ERCC6L: variants seen among roughly 807,000 people sequenced by gnomAD.
ERCC6L encodes the protein DNA excision repair protein ERCC-6-like.
A neutral mutation model predicts 20.1 loss-of-function variants in ERCC6L; 7 were observed. The ratio of observed to expected loss-of-function variants is 0.35; its 90% CI spans 0.20 to 0.65. ERCC6L has a LOEUF of 0.65. Ranked by LOEUF, ERCC6L falls within the 30% of genes least tolerant of loss-of-function variation. ERCC6L has a pLI of 0.69. For missense variants in ERCC6L, 592 were observed against 892.4 expected (o/e 0.66, Z 4.29); for synonymous variants, 278 against 331.3 (o/e 0.84, Z 1.75).
rs140936418 is a variant in ERCC6L, at chrX:72,206,166, A to G, written c.2601T>C (p.Tyr867=). ...CAGCTTTGGTTGATTTGCTAAGTAC[A>G]TAATTAAAACTTTCCAGAGGATCCT... ...LQEDPLESFN[Y]VLSKSTKADI... is the part of the protein sequence containing the mutation. Residue 867 remains tyrosine (Y), a synonymous_variant, in exon 2 of 2, where the codon TAT becomes TAC. Coordinates refer to ENST00000334463, the MANE Select transcript of ERCC6L (RefSeq NM_017669.4). The G allele has an allele frequency of 1.1e-4, 137 of 1,210,423 alleles. No individual in the cohort carries two copies. The highest frequency in any genetic ancestry group is 1.5e-4 in the Non-Finnish European group (130 of 895,275).
At chrX:72,235,995 G>A (rs2043015240) in intron 1 of ERCC6L, among the ~76,000 whole-genome samples, 1 of 112,331 alleles carries the variant, frequency 8.9e-6, no homozygotes, top group Admixed American at 9.4e-5. Flanking sequence ...TATGTAAGGA[G>A]AGAAGTGAGA....
In ERCC6L at chrX:72,206,312, C is replaced by T; in HGVS notation, c.2455G>A (p.Gly819Arg). The change falls in exon 2 of 2, where the codon GGA becomes AGA. Residue 819 changes from glycine to arginine, a missense_variant. By Grantham distance (125) the Gly-to-Arg change is moderately radical. Around this residue, in one of 3 missense-constraint regions of ERCC6L, gnomAD observed 352 missense variants for 402.6 expected, o/e 0.87. Coordinates refer to ENST00000334463, the MANE Select transcript of ERCC6L (RefSeq NM_017669.4). ...DSIATLPKGFGSVEELCTNSS... is the reference protein window; with the variant it reads ...DSIATLPKGFRSVEELCTNSS... ...TTAGTACAAAGTTCTTCTACACTTC[C>T]AAACCCCTTTGGTAAAGTAGCTATA... 2 of 1,209,248 alleles carry T rather than the reference C, an allele frequency of 1.7e-6. No individual in the cohort carries two copies. The highest frequency in any genetic ancestry group is 2.2e-6 in the Non-Finnish European group (2 of 894,326).
intron 1 of ERCC6L, among the ~76,000 whole-genome samples, chrX:72,235,747 A>G (rs1016738741): frequency 6.3e-5 from 7 of 110,635 alleles, no homozygotes; most frequent in Non-Finnish European, 9.5e-5. Flanking sequence ...AGATATTCCA[A>G]TTTCCCTATT....
At chrX:72,213,368 C>G (rs767554963) in intron 1 of ERCC6L, among the ~76,000 whole-genome samples, 20 of 111,710 alleles carry the variant, frequency 1.8e-4, no homozygotes, top group African/African-American at 6.5e-4. Context: ...CCCGAGAGCA[C>G]AGGGGGAGGG....
intron 1 of ERCC6L, among the ~76,000 whole-genome samples, chrX:72,232,499 C>T (rs891484096): frequency 9.4e-6 from 1 of 106,054 alleles, no homozygotes; most frequent in Non-Finnish European, 1.9e-5. Flanking sequence ...ACACAAAGAA[C>T]GGTGAAACTA....
intron 1 of ERCC6L, among the ~76,000 whole-genome samples, chrX:72,218,993 C>T (rs1248685885): frequency 8.9e-6 from 1 of 112,837 alleles, no homozygotes; most frequent in Non-Finnish European, 1.9e-5. Flanking sequence ...CAGTGGCCCA[C>T]GCCTGTGATC....
At chrX:72,225,207 G>A (rs972698859) in intron 1 of ERCC6L, among the ~76,000 whole-genome samples, 1 of 111,222 alleles carries the variant, frequency 9.0e-6, no homozygotes, top group African/African-American at 3.3e-5. Flanking sequence ...AAACCTTTTT[G>A]CTTTCACTTA....
intron 1 of ERCC6L, among the ~76,000 whole-genome samples, chrX:72,226,278 A>T (rs367779070): frequency 1.8e-5 from 2 of 111,782 alleles, no homozygotes; most frequent in East Asian, 5.7e-4. Context: ...TATAGATGGC[A>T]GTGCATCAGA....
chrX:72,204,901 G>C lies in ERCC6L; in HGVS notation c.*113C>G. ...TTGCAGGGCAGAAGTTGCTTTTTGA[G>C]ATCTTTCTTGCCTTAAGCCTGAATG... On this transcript the variant is annotated 3_prime_UTR_variant, in exon 2 of 2. Coordinates refer to ENST00000334463, the MANE Select transcript of ERCC6L (RefSeq NM_017669.4). The C allele has an allele frequency of 1.5e-6, 1 of 668,496 alleles. No individual in the cohort carries two copies. The highest frequency in any genetic ancestry group is 2.1e-6 in the Non-Finnish European group (1 of 468,695). 55.1% of individuals were successfully genotyped at this position (668,496 alleles called of 1,213,427 possible). A position where few individuals can be genotyped will look rare whatever the true frequency, so the allele number is the denominator to read the frequency against.
chrX:72,204,897 T>C lies in ERCC6L; in HGVS notation c.*117A>G, dbSNP rs1298464033. 1 of 636,915 alleles carries C rather than the reference T, an allele frequency of 1.6e-6. No homozygotes were observed. The highest frequency in any genetic ancestry group is 4.4e-5 in the Admixed American group (1 of 22,711). The allele number at this position is 636,915 out of a possible 1,213,427, so 52.5% of individuals were successfully genotyped here. A position where few individuals can be genotyped will look rare whatever the true frequency, so the allele number is the denominator to read the frequency against. On this transcript the variant is annotated 3_prime_UTR_variant, in exon 2 of 2. Transcript: ENST00000334463. ...GGCGTTGCAGGGCAGAAGTTGCTTT[T>C]TGAGATCTTTCTTGCCTTAAGCCTG...
Position 72,204,904 on chromosome X carries a change from C to T in ERCC6L, c.*110G>A. On this transcript the variant is annotated 3_prime_UTR_variant, in exon 2 of 2. Coordinates refer to ENST00000334463, the MANE Select transcript of ERCC6L (RefSeq NM_017669.4). ...CAGGGCAGAAGTTGCTTTTTGAGAT[C>T]TTTCTTGCCTTAAGCCTGAATGCTT... 8.6e-6 allele frequency: 6 copies of T among 699,674 alleles called. No homozygotes were observed. The highest frequency in any genetic ancestry group is 1.2e-5 in the Non-Finnish European group (6 of 496,582). 57.7% of individuals were successfully genotyped at this position (699,674 alleles called of 1,213,427 possible). A position where few individuals can be genotyped will look rare whatever the true frequency, so the allele number is the denominator to read the frequency against.
chrX:72,204,926 G>T lies in ERCC6L; in HGVS notation c.*88C>A. The T allele has an allele frequency of 1.2e-6, 1 of 858,240 alleles. No individual in the cohort carries two copies. Among genetic ancestry groups the T allele is most frequent in the Non-Finnish European group, 1.6e-6 (1 of 625,959 alleles). 70.7% of individuals were successfully genotyped at this position (858,240 alleles called of 1,213,427 possible). On this transcript the variant is annotated 3_prime_UTR_variant, in exon 2 of 2. Coordinates refer to ENST00000334463, the MANE Select transcript of ERCC6L (RefSeq NM_017669.4). ...GATCTTTCTTGCCTTAAGCCTGAATGCTTCATGTTCCCAAAGAATCCAATT... is the reference window on the plus strand; with the variant it reads ...GATCTTTCTTGCCTTAAGCCTGAATTCTTCATGTTCCCAAAGAATCCAATT...
chrX:72,227,189 C>T (rs2042958587), intron 1 of ERCC6L, among the ~76,000 whole-genome samples: 1 of 111,844 alleles, frequency 8.9e-6, no homozygotes, highest in African/African-American at 3.3e-5. Context: ...AAATGGGCTT[C>T]TACTGTCACC....
chrX:72,212,148 G>A (rs2042858716), intron 1 of ERCC6L, among the ~76,000 whole-genome samples: 1 of 109,629 alleles, frequency 9.1e-6, no homozygotes, highest in Non-Finnish European at 1.9e-5. Flanking sequence ...ATGGTGGTGG[G>A]TGCCTGTAAT....
At chrX:72,238,457 C>T (rs994779661) in intron 1 of ERCC6L, among the ~76,000 whole-genome samples, 7 of 111,835 alleles carry the variant, frequency 6.3e-5, no homozygotes, top group African/African-American at 2.3e-4. Context: ...GTAATTATTG[C>T]TTTACAGATC....
At chrX:72,236,297 C>CT (rs1402595232) in intron 1 of ERCC6L, among the ~76,000 whole-genome samples, 4 of 109,478 alleles carry the variant, frequency 3.7e-5, no homozygotes, top group East Asian at 2.9e-4. Context: ...CTACAAAAAT[C>CT]TTTTTTTTCT....
intron 1 of ERCC6L, among the ~76,000 whole-genome samples, chrX:72,209,363 C>G (rs1468067072): frequency 8.9e-6 from 1 of 112,068 alleles, no homozygotes; most frequent in Non-Finnish European, 1.9e-5. Flanking sequence ...TTCTGGACAT[C>G]TCCACTTGAA....
At chrX:72,219,889 T>C (rs1298173817) in intron 1 of ERCC6L, among the ~76,000 whole-genome samples, 1 of 109,557 alleles carries the variant, frequency 9.1e-6, no homozygotes, top group Non-Finnish European at 1.9e-5. Context: ...TGTTGAATTA[T>C]AATGTGAAGA....
intron 1 of ERCC6L, chrX:72,237,725 C>A (rs1188544121): frequency 9.0e-6 from 1 of 111,064 alleles, no homozygotes. Flanking sequence ...TTAGAGATCG[C>A]GCCACTGCAC....
Sources: gnomAD v4.1 joint callset for allele counts (sites outside exome capture counted in the v4.1 genomes callset) on GRCh38, gnomAD v4.1.1 for gene constraint, gnomAD v4.1.1 regional missense constraint, MANE v1.5 for transcripts, NCBI Gene and HGNC (gene_info 2026-07-23, HGNC 2026-07-21) for gene names.